The following EMG1 variants were observed in gnomAD, a reference collection of about 807,000 sequenced individuals.
EMG1 encodes the protein ribosomal RNA small subunit methyltransferase NEP1.
EMG1 carries 24 observed loss-of-function variants against 26.9 expected under a neutral mutation model. The ratio of observed to expected loss-of-function variants is 0.89; its 90% CI spans 0.65 to 1.26. The LOEUF (loss-of-function observed/expected upper bound fraction) is 1.26, where lower values mean the gene tolerates loss of function less well. Ranked by LOEUF, EMG1 falls within the 50% of genes most tolerant of loss-of-function variation. The probability of loss-of-function intolerance (pLI) is 0.00; values close to 1 mark genes in which losing one functional copy is unlikely to be tolerated. For missense variants in EMG1, 299 were observed against 307.6 expected (o/e 0.97, Z 0.21); for synonymous variants, 140 against 112.6 (o/e 1.24, Z -1.54).
At chr12:6,981,217 C>T, downstream of EMG1, 1 of 1,542,922 alleles carries the variant, frequency 6.5e-7, no homozygotes, top group Non-Finnish European at 8.8e-7. Context: ...TTCAGGATAG[C>T]CTTGAATCTC....
chr12:6,987,535 G>A lies in EMG1; in HGVS notation c.*155-247G>A, dbSNP rs1946541161. On this transcript the variant is annotated intron_variant and NMD_transcript_variant, in intron 6 of 7. Coordinates refer to the EMG1 transcript ENST00000261406. The surrounding 1 kb of genome is among the most constrained non-coding windows in gnomAD (Gnocchi z 4.1). ...AAGAACTAGAGCCAGGAACTAGAAA[G>A]TATATAGACTAAATGTCAATGCCTT... Among the ~76,000 whole-genome samples the A allele has an allele frequency of 6.6e-6, 1 of 152,214 alleles. No homozygotes were observed. The highest frequency in any genetic ancestry group is 2.4e-5 in the African/African-American group (1 of 41,446).
downstream of EMG1, among the ~76,000 whole-genome samples, chr12:6,984,271 GT>G (rs1946500644): frequency 6.6e-6 from 1 of 152,218 alleles, no homozygotes; most frequent in South Asian, 2.1e-4. Context: ...AAGGCCATGA[GT>G]GAACCACAGA....
At chr12:6,983,466 G>A (rs1354044430), downstream of EMG1, 3 of 1,612,226 alleles carry the variant, frequency 1.9e-6, no homozygotes, top group African/African-American at 2.7e-5. Flanking sequence ...GGCCTGTAAA[G>A]GTATGGAAGA....
chr12:6,982,218 T>C (rs1377422371), downstream of EMG1, among the ~76,000 whole-genome samples: 2 of 152,142 alleles, frequency 1.3e-5, no homozygotes, highest in African/African-American at 4.8e-5. Flanking sequence ...TGTATTTTTT[T>C]TGTAGAGATG....
chr12:6,997,379 A>ATGTGTGTGTGTGTGTGTGTGTGTG (rs201579525), exon 8 of EMG1: 2 of 114,046 alleles, frequency 1.8e-5, no homozygotes, highest in Non-Finnish European at 1.8e-5. Flanking sequence ...ACAGCAAATT[A>ATGTGTGTGTGTGTGTGTGTGTGTG]TGTGTGTGTG....
downstream of EMG1, chr12:6,982,828 C>A (rs375330408): frequency 8.0e-7 from 1 of 1,245,358 alleles, no homozygotes; most frequent in Non-Finnish European, 1.2e-6. Flanking sequence ...ACACTCCCAC[C>A]GTCCTGAGAC....
chr12:6,978,459 T>C lies in EMG1; in HGVS notation c.*2650T>C, dbSNP rs1555153610. 2 of 1,614,018 alleles carry C rather than the reference T, an allele frequency of 1.2e-6. No homozygotes were observed. Among genetic ancestry groups the C allele is most frequent in the African/African-American group, 1.3e-5 (1 of 74,912 alleles). On this transcript the variant is annotated 3_prime_UTR_variant, in exon 6 of 6. Transcript: ENST00000599672. Reference sequence around the variant, plus strand: ...CAGGCATCCCACTTTGCCTTGCCCTTTTCTTCAAAGCCATTGAAGCCCAGG... The same window carrying C: ...CAGGCATCCCACTTTGCCTTGCCCTCTTCTTCAAAGCCATTGAAGCCCAGG...
chr12:6,979,036 G>T lies in EMG1; in HGVS notation c.*3227G>T. The T allele has an allele frequency of 3.3e-6, 1 of 305,476 alleles. No homozygotes were observed. Among genetic ancestry groups the T allele is most frequent in the Non-Finnish European group, 6.1e-6 (1 of 164,334 alleles). 18.9% of individuals were successfully genotyped at this position (305,476 alleles called of 1,614,324 possible). A position where few individuals can be genotyped will look rare whatever the true frequency, so the allele number is the denominator to read the frequency against. ...TAATTTAAGGAGAGAAACCTGCCCA[G>T]AATTACTGAACTGTTTTCAAGCCTT... On this transcript the variant is annotated 3_prime_UTR_variant, in exon 6 of 6. Coordinates refer to ENST00000599672, the MANE Select transcript of EMG1 (RefSeq NM_006331.8).
Position 6,975,545 on chromosome 12 carries a change from TCA to T in EMG1, c.622-148_622-147del, listed in dbSNP as rs1382278985. 1.5e-5 allele frequency: 14 copies of T among 962,344 alleles called. No individual in the cohort carries two copies. The African/African-American group carries it at 2.3e-4, about 16-fold the overall frequency. 59.6% of individuals were successfully genotyped at this position (962,344 alleles called of 1,614,324 possible). ...TGAGGGCTGCTGCCATAATTGGAAG[TCA>T]CAGTTAGGACCTTCTTCATCCTTTG... On this transcript the variant is annotated intron_variant, in intron 5 of 5. Transcript: ENST00000599672.
At chr12:6,993,338 G>A (rs1555155726) in intron 7 of EMG1, among the ~76,000 whole-genome samples, 2 of 152,038 alleles carry the variant, frequency 1.3e-5, no homozygotes, top group African/African-American at 4.8e-5. Flanking sequence ...GGAGGCTGAG[G>A]GAGGAGAATT....
intron 1 of EMG1, among the ~76,000 whole-genome samples, chr12:6,973,454 C>T (rs1555152542): frequency 6.6e-6 from 1 of 152,124 alleles, no homozygotes; most frequent in East Asian, 1.9e-4. Flanking sequence ...AGCCGTGAGC[C>T]ACTGCATCTG....
chr12:6,991,900 A>G (rs1286777035), downstream of EMG1, among the ~76,000 whole-genome samples: 1 of 152,156 alleles, frequency 6.6e-6, no homozygotes, highest in Non-Finnish European at 1.5e-5. Context: ...AACAAGTTTA[A>G]AAAGATGTAC....
rs1946445629 is a variant in EMG1 at position 6,979,330 on chromosome 12, T to G, written c.*3521T>G. The stretch of plus-strand genomic sequence containing the variant: ...GAACATGTCCCAGCACGGCTGGCAT[T>G]GACAACTCACAGATCTAGAGCAAAA... On this transcript the variant is annotated 3_prime_UTR_variant, in exon 6 of 6. Coordinates refer to ENST00000599672, the MANE Select transcript of EMG1 (RefSeq NM_006331.8). The G allele has an allele frequency of 2.4e-5, 16 of 663,016 alleles. No individual in the cohort carries two copies. The South Asian group carries it at 2.9e-4, about 12-fold the overall frequency. The allele number at this position is 663,016 out of a possible 1,614,324, so 41.1% of individuals were successfully genotyped here. A position where few individuals can be genotyped will look rare whatever the true frequency, so the allele number is the denominator to read the frequency against.
At position 6,975,854 on chromosome 12, in the gene EMG1, T is replaced by G. The variant is rs782475216; in HGVS notation, c.*45T>G. 1.9e-5 allele frequency: 22 copies of G among 1,136,436 alleles called. No individual in the cohort carries two copies. The Admixed American group carries it at 3.4e-4, about 17-fold the overall frequency. The allele number at this position is 1,136,436 out of a possible 1,614,324, so 70.4% of individuals were successfully genotyped here. Reference sequence around the variant, plus strand: ...GAAACCAGAAACTGTTGATGTCACATCCTTTGACCCTGGTCTGAGCTGACT... The same window carrying G: ...GAAACCAGAAACTGTTGATGTCACAGCCTTTGACCCTGGTCTGAGCTGACT... On this transcript the variant is annotated 3_prime_UTR_variant, in exon 6 of 6. Transcript: ENST00000599672.
chr12:6,982,613 C>T, downstream of EMG1: 1 of 1,253,420 alleles, frequency 8.0e-7, no homozygotes, highest in Non-Finnish European at 1.2e-6. Flanking sequence ...CAGTCCCCTG[C>T]CTACCCCTGT....
Position 6,978,438 on chromosome 12 carries a change from C to T in EMG1, c.*2629C>T. On this transcript the variant is annotated 3_prime_UTR_variant, in exon 6 of 6. Coordinates refer to ENST00000599672, the MANE Select transcript of EMG1 (RefSeq NM_006331.8). ...AGCCACACCTTCATGTTGGCACAGG[C>T]ATCCCACTTTGCCTTGCCCTTTTCT... 1 of 1,614,158 alleles carries T rather than the reference C, an allele frequency of 6.2e-7. No homozygotes were observed.
intron 3 of EMG1, 25 bp downstream of exon 3, chr12:6,974,718 G>A (rs1555152840): frequency 6.2e-7 from 1 of 1,613,402 alleles, no homozygotes. Context: ...AACAAAGTTA[G>A]AATGAACTTG....
downstream of EMG1, among the ~76,000 whole-genome samples, chr12:6,992,557 A>T (rs1946599223): frequency 6.6e-6 from 1 of 152,204 alleles, no homozygotes; most frequent in Non-Finnish European, 1.5e-5. Context: ...CATGAAAATA[A>T]TTTTTACCCC....
At position 6,997,010 on chromosome 12, in the gene EMG1, G is replaced by GA. The variant is rs57621837; in HGVS notation, c.*212-205dup. 5.7e-4 allele frequency among the ~76,000 whole-genome samples: 86 copies of GA among 149,660 alleles called. 1 individual carries two copies. The highest frequency in any genetic ancestry group is 5.7e-3 in the South Asian group (27 of 4,710). The stretch of plus-strand genomic sequence containing the variant: ...GGCAGAGTCTGAAATTGATAAATGG[G>GA]AAAAAAAAAATCAATTGACTAGGTG... On this transcript the variant is annotated intron_variant and NMD_transcript_variant, in intron 7 of 7. Transcript: ENST00000607161.
Sources: allele counts gnomAD v4.1 joint callset (sites outside exome capture counted in the v4.1 genomes callset), GRCh38; gene constraint gnomAD v4.1.1; non-coding constraint Gnocchi (gnomAD v3.1); transcripts MANE v1.5; gene names NCBI Gene and HGNC (gene_info 2026-07-23, HGNC 2026-07-21).